Variants in MZT1 observed in about 807,000 individuals in gnomAD.
MZT1 encodes the protein mitotic-spindle organizing protein 1.
A neutral mutation model predicts 8.5 loss-of-function variants in MZT1; 8 were observed. The ratio of observed to expected loss-of-function variants is 0.94; its 90% confidence interval spans 0.55 to 1.70. MZT1 has a LOEUF of 1.70. Among genes scored for constraint, MZT1 ranks in the 40% most tolerant of loss-of-function variants. The pLI is 0.00. For synonymous variants in MZT1, 38 were observed against 42.0 expected (o/e 0.90, Z 0.37); for missense variants, 93 against 108.6 (o/e 0.86, Z 0.64).
Position 72,709,714 on chromosome 13 carries a change from A to C in MZT1, c.*608T>G, listed in dbSNP as rs538609798. ...GGTTCACACTATTAGCTGCCCAACA[A>C]ACTGTTTGAAAAACTAAATATTCTT... On this transcript the variant is annotated 3_prime_UTR_variant, in exon 3 of 3. Coordinates refer to ENST00000377818, the MANE Select transcript of MZT1 (RefSeq NM_001071775.3). 6.6e-6 allele frequency: 1 copy of C among 152,204 alleles called. No individual in the cohort carries two copies. The highest frequency in any genetic ancestry group is 2.1e-4 in the South Asian group (1 of 4,824). 9.4% of individuals were successfully genotyped at this position (152,204 alleles called of 1,614,324 possible). A position where few individuals can be genotyped will look rare whatever the true frequency, so the allele number is the denominator to read the frequency against.
At chr13:72,722,162 G>A (rs560630916) in intron 1 of MZT1, among the ~76,000 whole-genome samples, 1 of 152,338 alleles carries the variant, frequency 6.6e-6, no homozygotes, top group South Asian at 2.1e-4. Flanking sequence ...GCAAAAGACA[G>A]TGGTTAGGAG....
chr13:72,713,313 T>C (rs1161597029), intron 2 of MZT1, among the ~76,000 whole-genome samples: 1 of 152,224 alleles, frequency 6.6e-6, no homozygotes, highest in Non-Finnish European at 1.5e-5. Context: ...ATTTCAGATG[T>C]CCTAAAATTT....
intron 2 of MZT1, among the ~76,000 whole-genome samples, chr13:72,715,852 C>T (rs1010307346): frequency 6.6e-6 from 1 of 152,136 alleles, no homozygotes; most frequent in African/African-American, 2.4e-5. Flanking sequence ...GCTTTCTATA[C>T]AGCCTGCAGA....
chr13:72,719,069 A>T lies in MZT1; in HGVS notation c.108T>A (p.Asn36Lys). The T allele has an allele frequency of 6.5e-7, 1 of 1,545,384 alleles. No individual in the cohort carries two copies. The highest frequency in any genetic ancestry group is 8.6e-7 in the Non-Finnish European group (1 of 1,156,550). The change falls in exon 2 of 3, where the codon AAT becomes AAA. Residue 36 changes from asparagine to lysine, a missense_variant. Coordinates refer to ENST00000377818, the MANE Select transcript of MZT1 (RefSeq NM_001071775.3). The part of the protein sequence containing the change: ...DVLLEISRIL[N>K]TGLDMETLSI... ...ACAGAGTTTCCATATCTAAGCCAGT[A>T]TTCAAAATTCTTGAAATCTCAAGCA...
At chr13:72,720,352 A>T (rs182298671) in intron 1 of MZT1, among the ~76,000 whole-genome samples, 2 of 152,214 alleles carry the variant, frequency 1.3e-5, no homozygotes, top group African/African-American at 4.8e-5. Flanking sequence ...CATTTATATA[A>T]GCCATTTTAT....
At chr13:72,717,217 C>T (rs553822229) in intron 2 of MZT1, among the ~76,000 whole-genome samples, 10 of 152,294 alleles carry the variant, frequency 6.6e-5, no homozygotes, top group African/African-American at 2.4e-4. Flanking sequence ...AAAAAGAAAT[C>T]AGGCTACACC....
chr13:72,722,737 G>A (rs917390835), intron 1 of MZT1, among the ~76,000 whole-genome samples: 1 of 152,114 alleles, frequency 6.6e-6, no homozygotes, highest in Non-Finnish European at 1.5e-5. Context: ...TTCTATTCCC[G>A]ACAATCCCCT....
intron 2 of MZT1, among the ~76,000 whole-genome samples, chr13:72,717,927 C>G (rs377689485): frequency 1.3e-5 from 2 of 152,224 alleles, no homozygotes; most frequent in Non-Finnish European, 2.9e-5. Flanking sequence ...AGTCTCTATC[C>G]AATACCCAAT....
chr13:72,727,475 T>C, intron 1 of MZT1, 49 bp downstream of exon 1: 1 of 1,588,904 alleles, frequency 6.3e-7, no homozygotes, highest in Non-Finnish European at 8.6e-7. Flanking sequence ...CCTGGGGGCC[T>C]TGGCTCTGGG....
chr13:72,723,521 G>A (rs1397414094), intron 1 of MZT1, among the ~76,000 whole-genome samples: 1 of 152,102 alleles, frequency 6.6e-6, no homozygotes, highest in African/African-American at 2.4e-5. Context: ...CAGCATCCCT[G>A]AGGGAAAAAA....
At chr13:72,712,192 T>C (rs2138006180) in intron 2 of MZT1, among the ~76,000 whole-genome samples, 1 of 152,334 alleles carries the variant, frequency 6.6e-6, no homozygotes, top group Non-Finnish European at 1.5e-5. Flanking sequence ...CTGTTGTTGT[T>C]TTCACTCTGT....
In MZT1 at chr13:72,711,044, C is replaced by T. The variant is rs571394659; in HGVS notation, c.226-699G>A. On this transcript the variant is annotated intron_variant, in intron 2 of 2. Coordinates refer to ENST00000377818, the MANE Select transcript of MZT1 (RefSeq NM_001071775.3). ...GACCTACCTACACAGGGACACATCG[C>T]AGATTTACACTAAAGTATTAGTAAC... 6.6e-5 allele frequency among the ~76,000 whole-genome samples: 10 copies of T among 152,214 alleles called. 1 individual carries two copies. The South Asian group carries it at 2.1e-3, about 32-fold the overall frequency.
intron 2 of MZT1, among the ~76,000 whole-genome samples, chr13:72,714,375 T>C (rs553648569): frequency 2.0e-5 from 3 of 152,234 alleles, no homozygotes; most frequent in Non-Finnish European, 4.4e-5. Context: ...CATAAAAGTT[T>C]AGAAAATGTG....
At chr13:72,716,364 T>C (rs941559068) in intron 2 of MZT1, among the ~76,000 whole-genome samples, 3 of 152,128 alleles carry the variant, frequency 2.0e-5, no homozygotes, top group African/African-American at 7.2e-5. Context: ...GCAGTGATGG[T>C]TGCATGGATA....
chr13:72,711,839 C>T (rs1328432253), intron 2 of MZT1, among the ~76,000 whole-genome samples: 1 of 152,178 alleles, frequency 6.6e-6, no homozygotes, highest in Non-Finnish European at 1.5e-5. Flanking sequence ...AACCCACCAG[C>T]TCCCCAACTC....
intron 2 of MZT1, among the ~76,000 whole-genome samples, chr13:72,715,055 C>T (rs1031752002): frequency 1.3e-5 from 2 of 152,192 alleles, no homozygotes; most frequent in South Asian, 2.1e-4. Context: ...GCTGCAGACA[C>T]TCAACAATGC....
rs749328128 is a variant in MZT1 at position 72,727,624 on chromosome 13, G to C, written c.-22C>G. 5.7e-6 allele frequency: 9 copies of C among 1,571,346 alleles called. No individual in the cohort carries two copies. The highest frequency in any genetic ancestry group is 7.8e-6 in the Non-Finnish European group (9 of 1,157,918). On this transcript the variant is annotated 5_prime_UTR_variant, in exon 1 of 3. Coordinates refer to ENST00000377818, the MANE Select transcript of MZT1 (RefSeq NM_001071775.3). Reference sequence around the variant, plus strand: ...CCATGGCTAAGGCCGAGGGAGGCGGGAGAAGGGCCTGACCCGGAACTGGAG... The same window carrying C: ...CCATGGCTAAGGCCGAGGGAGGCGGCAGAAGGGCCTGACCCGGAACTGGAG...
rs147090065 is a variant in MZT1 at position 72,710,546 on chromosome 13, G to C, written c.226-201C>G. Among the ~76,000 whole-genome samples the C allele has an allele frequency of 5.7e-3, 860 of 152,208 alleles. 10 individuals are homozygous for C. The highest frequency in any genetic ancestry group is 0.019 in the African/African-American group (793 of 41,562). On this transcript the variant is annotated intron_variant, in intron 2 of 2. Coordinates refer to ENST00000377818, the MANE Select transcript of MZT1 (RefSeq NM_001071775.3). ...TTGAATGTACAGTTAACAGTCCACA[G>C]GCTAACAGTGGAAAATAGTTATATC...
rs2032460513 is a variant in MZT1 at position 72,709,015 on chromosome 13, C to CA, written c.*1306dup. Reference sequence around the variant, plus strand: ...TCAGATGAAATCCATATTAGTTTTGCAAAAAAACTCCACTGAGATTCTATT... The same window carrying CA: ...TCAGATGAAATCCATATTAGTTTTGCAAAAAAAACTCCACTGAGATTCTATT... On this transcript the variant is annotated 3_prime_UTR_variant, in exon 3 of 3. Transcript: ENST00000377818. 3 of 151,658 alleles carry CA rather than the reference C, an allele frequency of 2.0e-5. No individual in the cohort carries two copies. In the South Asian group the frequency reaches 6.2e-4, roughly 32 times the overall value. 9.4% of individuals were successfully genotyped at this position (151,658 alleles called of 1,614,324 possible).
Sources: allele counts gnomAD v4.1 joint callset (sites outside exome capture counted in the v4.1 genomes callset), GRCh38; gene constraint gnomAD v4.1.1; transcripts MANE v1.5; gene names NCBI Gene and HGNC (gene_info 2026-07-23, HGNC 2026-07-21).